Variants in HSP90B1 observed in about 807,000 individuals in gnomAD.
The protein encoded by HSP90B1 is endoplasmin.
Under a neutral mutation model 100.4 loss-of-function variants are expected in HSP90B1, and 27 were observed. That is an observed-to-expected ratio of 0.27 (90% CI 0.20 to 0.37). The LOEUF (loss-of-function observed/expected upper bound fraction) is 0.37. Among genes scored for constraint, HSP90B1 ranks in the 10% least tolerant of loss-of-function variants. The pLI is 1.00. For synonymous variants in HSP90B1, 304 were observed against 330.8 expected, an observed-to-expected ratio of 0.92 and a Z score of 0.88; for missense variants, 678 against 960.5, an observed-to-expected ratio of 0.71 and a Z score of 3.89.
intron 8 of HSP90B1, among the ~76,000 whole-genome samples, chr12:103,940,150 CA>C (rs35752501): frequency 1.3e-5 from 2 of 151,916 alleles, no homozygotes. Flanking sequence ...TTTTGTGTGA[CA>C]AAAAAAGATT....
At chr12:103,946,529 T>C (rs1363616364) in intron 14 of HSP90B1, 89 bp from the exon 15 acceptor site, 2 of 913,972 alleles carry the variant, frequency 2.2e-6, no homozygotes, top group Non-Finnish European at 1.7e-6. Context: ...TACCAAGAGT[T>C]GTTCTGTGTA....
At chr12:103,942,288 G>A (rs747068260) in intron 11 of HSP90B1, among the ~76,000 whole-genome samples, 23 of 152,210 alleles carry the variant, frequency 1.5e-4, no homozygotes, top group African/African-American at 2.2e-4. Flanking sequence ...GCTAGAGAGA[G>A]AGTATCACTG....
chr12:103,931,464 G>T, intron 1 of HSP90B1, 57 bp from the exon 2 acceptor site: 1 of 1,381,964 alleles, frequency 7.2e-7, no homozygotes, highest in South Asian at 1.2e-5. Flanking sequence ...TTCCCTATTT[G>T]ATCATCCTCC....
At chr12:103,933,009 C>T in intron 4 of HSP90B1, 67 bp downstream of exon 4, 2 of 845,500 alleles carry the variant, frequency 2.4e-6, no homozygotes. Context: ...GGATCCCTAT[C>T]AGTCAAGATA....
rs116891695 is a variant in HSP90B1 at position 103,938,446 on chromosome 12, C to T, written c.962C>T (p.Pro321Leu). ...GAGGAAGAAGAAGAAGAAAAGAAAC[C>T]AAAGACTAAAAAAGTAAGTCTGGTT... is the stretch of plus-strand genomic sequence containing the variant. The part of the protein sequence containing the change: ...AVEEEEEEKK[P>L]KTKKVEKTVW... The change falls in exon 7 of 18, where the codon CCA becomes CTA. Residue 321 changes from proline (P) to leucine (L), a missense_variant. This residue lies in a region of HSP90B1 where 238 missense variants were observed against 346.7 expected (regional missense o/e 0.69). Transcript: ENST00000299767. The T allele has an allele frequency of 0.015, 23,480 of 1,607,886 alleles. 219 individuals carry two copies. The highest frequency in any genetic ancestry group is 0.016 in the Non-Finnish European group (19,141 of 1,176,616).
intron 7 of HSP90B1, 131 bp from the exon 8 acceptor site, chr12:103,939,378 C>T (rs1870012465): frequency 5.1e-6 from 2 of 394,124 alleles, no homozygotes; most frequent in African/African-American, 4.5e-5. Flanking sequence ...GCTAGGATTA[C>T]AGGCGTGAGC....
Position 103,930,525 on chromosome 12 carries a change from C to T in HSP90B1, c.10C>T (p.Leu4=), listed in dbSNP as rs935331184. 6.2e-7 allele frequency: 1 copy of T among 1,609,610 alleles called. No individual in the cohort carries two copies. Among genetic ancestry groups the T allele is most frequent in the Non-Finnish European group, 8.5e-7 (1 of 1,178,144 alleles). MRA[L]WVLGLCCVLL... is the part of the protein sequence containing the mutation. The stretch of plus-strand genomic sequence containing the variant: ...TCACCGGCCGCACGCCATGAGGGCC[C>T]TGTGGGTGCTGGGCCTCTGCTGCGT... The change falls in exon 1 of 18, where the codon CTG becomes TTG. Residue 4 remains leucine, a synonymous_variant. Transcript: ENST00000299767. This position sits in a 1 kb window ranked among gnomAD's most constrained non-coding sequence, Gnocchi z 4.4.
At chr12:103,944,715 C>A (rs1053978949) in intron 14 of HSP90B1, among the ~76,000 whole-genome samples, 1 of 152,142 alleles carries the variant, frequency 6.6e-6, no homozygotes, top group African/African-American at 2.4e-5. Context: ...TGTCAGCACA[C>A]CCGCTAATTT....
At chr12:103,942,293 T>C in intron 11 of HSP90B1, among the ~76,000 whole-genome samples, 1 of 152,212 alleles carries the variant, frequency 6.6e-6, no homozygotes. Context: ...AGAGAGAGTA[T>C]CACTGAGTCC....
At chr12:103,945,901 T>C (rs986401118) in intron 14 of HSP90B1, among the ~76,000 whole-genome samples, 1 of 151,716 alleles carries the variant, frequency 6.6e-6, no homozygotes, top group Non-Finnish European at 1.5e-5. Context: ...CTGTGCAATA[T>C]AGTGATACCC....
At chr12:103,932,801 T>G in intron 3 of HSP90B1, 25 bp from the exon 4 acceptor site, 1 of 1,147,246 alleles carries the variant, frequency 8.7e-7, no homozygotes, top group Non-Finnish European at 1.3e-6. Context: ...ATAGTCTAAG[T>G]GTATTCCCTC....
chr12:103,946,038 C>T (rs372803610), intron 14 of HSP90B1, among the ~76,000 whole-genome samples: 4 of 152,098 alleles, frequency 2.6e-5, no homozygotes, highest in Admixed American at 2.6e-4. Flanking sequence ...AAAGTCGTGC[C>T]GTATTTGCAT....
At chr12:103,940,182 G>A (rs1401918320) in intron 8 of HSP90B1, among the ~76,000 whole-genome samples, 2 of 152,206 alleles carry the variant, frequency 1.3e-5, no homozygotes, top group Non-Finnish European at 2.9e-5. Flanking sequence ...TACATAGGTA[G>A]ATGTGTGATT....
At chr12:103,935,307 T>A (rs975440621) in intron 5 of HSP90B1, among the ~76,000 whole-genome samples, 10 of 152,334 alleles carry the variant, frequency 6.6e-5, no homozygotes, top group Non-Finnish European at 1.2e-4. Flanking sequence ...GTAGCTCTCG[T>A]TGCTTATAGC....
rs1193613717 is a variant in HSP90B1, at chr12:103,943,871, C to T, written c.2024C>T (p.Thr675Ile). The T allele has an allele frequency of 6.2e-7, 1 of 1,612,600 alleles. No homozygotes were observed. The highest frequency in any genetic ancestry group is 1.7e-4 in the Middle Eastern group (1 of 6,054). The change falls in exon 14 of 18, where the codon ACA becomes ATA. Residue 675 changes from threonine to isoleucine, a missense_variant. By Grantham distance (89) the Thr-to-Ile change is moderately conservative (BLOSUM62 -1). This residue lies in a region of HSP90B1 where 64 missense variants were observed against 66.4 expected (regional missense o/e 0.96). Transcript: ENST00000299767. The surrounding 1 kb of genome is among the most constrained non-coding windows in gnomAD (Gnocchi z 5.3). ...TACCAAACGGGCAAGGACATCTCTA[C>T]AAAGTAAGCATCCTCGGGAAAGTCC... is the stretch of plus-strand genomic sequence containing the variant. ...QAYQTGKDIS[T>I]NYYASQKKTF... is the part of the protein sequence containing the mutation.
At position 103,947,617 on chromosome 12, in the gene HSP90B1, T is replaced by A. The variant is rs1163968346; in HGVS notation, c.2383-16T>A. 1.8e-5 allele frequency: 28 copies of A among 1,575,840 alleles called. No homozygotes were observed. Among genetic ancestry groups the A allele is most frequent in the African/African-American group, 2.7e-5 (2 of 72,870 alleles). ...TAACTTTTAATACCTTCTGGGTTTT[T>A]TTTATTTATTTACAGGAATCTACAG... On this transcript the variant is annotated splice_polypyrimidine_tract_variant and intron_variant, in intron 17 of 17. Transcript: ENST00000299767.
Position 103,939,592 on chromosome 12 carries a change from T to G in HSP90B1, c.1059T>G (p.Asp353Glu), listed in dbSNP as rs1364328926. The stretch of plus-strand genomic sequence containing the variant: ...GACCATCAAAAGAAGTAGAAGAAGA[T>G]GAATACAAAGCTTTCTACAAATCAT... ...WQRPSKEVEE[D>E]EYKAFYKSFS... Residue 353 changes from aspartate (D) to glutamate (E), a missense_variant, in exon 8 of 18, where the codon GAT becomes GAG. Physicochemically the swap from Asp to Glu is conservative, Grantham distance 45. Transcript: ENST00000299767. 8 of 1,567,418 alleles carry G rather than the reference T, an allele frequency of 5.1e-6. No homozygotes were observed. In the Admixed American group the frequency reaches 1.1e-4, roughly 22 times the overall value.
At chr12:103,937,013 A>C (rs149544693) in intron 5 of HSP90B1, among the ~76,000 whole-genome samples, 88 of 152,340 alleles carry the variant, frequency 5.8e-4, no homozygotes, top group African/African-American at 2.0e-3. Context: ...ACTGTGCTTA[A>C]GAGTAGGTTC....
intron 4 of HSP90B1, among the ~76,000 whole-genome samples, chr12:103,933,641 G>C (rs1479143139): frequency 6.6e-6 from 1 of 152,212 alleles, no homozygotes; most frequent in African/African-American, 2.4e-5. Flanking sequence ...TTCTAGTAAA[G>C]AAATAGGCAA....
Sources: allele counts gnomAD v4.1 joint callset (sites outside exome capture counted in the v4.1 genomes callset), GRCh38; gene constraint gnomAD v4.1.1; regional missense constraint gnomAD v4.1.1; non-coding constraint Gnocchi (gnomAD v3.1); transcripts MANE v1.5; gene names NCBI Gene and HGNC (gene_info 2026-07-23, HGNC 2026-07-21).